The following DPP10 variants were observed in gnomAD, a reference collection of about 807,000 sequenced individuals.
DPP10 encodes the protein dipeptidyl peptidase like 10, also known as inactive dipeptidyl peptidase 10.
Under a neutral mutation model 120.9 loss-of-function variants are expected in DPP10, and 33 were observed. That is an observed-to-expected ratio of 0.27 (90% CI 0.21 to 0.37). The LOEUF is 0.37. Among genes scored for constraint, DPP10 ranks in the 10% least tolerant of loss-of-function variants. The pLI, the probability that DPP10 is intolerant of heterozygous loss-of-function variation, is 1.00. For synonymous variants in DPP10, 337 were observed against 326.1 expected (o/e 1.03, Z -0.36); for missense variants, 816 against 942.8 (o/e 0.87, Z 1.76).
At chr2:114,721,046 T>C (rs1435181289) in intron 1 of DPP10, among the ~76,000 whole-genome samples, 1 of 152,350 alleles carries the variant, frequency 6.6e-6, no homozygotes, top group East Asian at 1.9e-4. Context: ...TGTATTACAG[T>C]TTATACGTTA....
intron 1 of DPP10, among the ~76,000 whole-genome samples, chr2:115,087,134 G>T (rs1034300258): frequency 1.3e-5 from 2 of 152,094 alleles, no homozygotes; most frequent in African/African-American, 4.8e-5. Flanking sequence ...ACTCTCTCAT[G>T]TTACCATTTA....
At chr2:114,529,677 T>G (rs938779475) in intron 1 of DPP10, among the ~76,000 whole-genome samples, 1 of 152,214 alleles carries the variant, frequency 6.6e-6, no homozygotes, top group Admixed American at 6.5e-5. Flanking sequence ...GTTACATTCC[T>G]TTTTAAAAAT....
At chr2:114,562,624 G>A (rs1688858380) in intron 1 of DPP10, among the ~76,000 whole-genome samples, 1 of 152,164 alleles carries the variant, frequency 6.6e-6, no homozygotes, top group Non-Finnish European at 1.5e-5. Context: ...CCATAAAAGT[G>A]ACAAATGGTA....
chr2:114,799,792 C>G (rs550063013), intron 1 of DPP10, among the ~76,000 whole-genome samples: 1 of 151,926 alleles, frequency 6.6e-6, no homozygotes, highest in African/African-American at 2.4e-5. Context: ...AATTGGAAAG[C>G]GAAGTAGGAA....
chr2:114,977,391 C>T (rs973938739), intron 1 of DPP10, among the ~76,000 whole-genome samples: 6 of 152,046 alleles, frequency 3.9e-5, no homozygotes, highest in Non-Finnish European at 7.4e-5. Context: ...TTATCTAGTA[C>T]CTTTGCTTTT....
intron 1 of DPP10, among the ~76,000 whole-genome samples, chr2:114,819,884 C>G: frequency 6.6e-6 from 1 of 152,128 alleles, no homozygotes; most frequent in East Asian, 1.9e-4. Context: ...CAATTATTGT[C>G]ATAGGAGAGG....
At chr2:115,181,071 AAT>A (rs2054046725) in intron 1 of DPP10, among the ~76,000 whole-genome samples, 1 of 116,784 alleles carries the variant, frequency 8.6e-6, no homozygotes, top group Non-Finnish European at 2.1e-5. Flanking sequence ...ACTATCTTCT[AAT>A]ATGAAACACC....
At position 114,897,217 on chromosome 2, in the gene DPP10, C is replaced by T. The variant is rs542785328; in HGVS notation, c.61-412022C>T. 3.0e-3 allele frequency among the ~76,000 whole-genome samples: 456 copies of T among 152,242 alleles called. 3 individuals are homozygous for T. The highest frequency in any genetic ancestry group is 4.4e-3 in the Non-Finnish European group (296 of 68,012). On this transcript the variant is annotated intron_variant, in intron 1 of 25. Coordinates refer to ENST00000410059, the MANE Select transcript of DPP10 (RefSeq NM_020868.6). ...ATTCAATTTTTTGGTTGTGTCTCTG[C>T]CCAGCTTTGGTATCAGGATGATGCT...
chr2:114,502,319 T>C (rs1683266248), intron 1 of DPP10, among the ~76,000 whole-genome samples: 2 of 152,266 alleles, frequency 1.3e-5, no homozygotes, highest in African/African-American at 2.4e-5. Flanking sequence ...TATTCTGTAC[T>C]CAACATAGTT....
intron 1 of DPP10, among the ~76,000 whole-genome samples, chr2:115,152,890 C>G (rs1168446561): frequency 6.6e-6 from 1 of 151,702 alleles, no homozygotes; most frequent in Non-Finnish European, 1.5e-5. Context: ...AGACATGAGA[C>G]TGAGGGTCAG....
At chr2:115,368,425 G>GTAAATAAAACTTTACAAATAAAA (rs2065204811) in intron 3 of DPP10, among the ~76,000 whole-genome samples, 1 of 152,048 alleles carries the variant, frequency 6.6e-6, no homozygotes, top group Non-Finnish European at 1.5e-5. Context: ...CTTTACAAAT[G>GTAAATAAAACTTTACAAATAAAA]TAAGATTCAG....
intron 1 of DPP10, among the ~76,000 whole-genome samples, chr2:114,952,321 T>C (rs1165228834): frequency 2.0e-5 from 3 of 152,160 alleles, no homozygotes; most frequent in African/African-American, 7.2e-5. Context: ...ATCAACCTTC[T>C]TATATTCAAC....
chr2:115,544,424 G>T (rs2079372005), intron 5 of DPP10, among the ~76,000 whole-genome samples: 1 of 152,004 alleles, frequency 6.6e-6, no homozygotes, highest in Admixed American at 6.6e-5. Flanking sequence ...TAATTCCTAA[G>T]TATTCACATC....
intron 1 of DPP10, among the ~76,000 whole-genome samples, chr2:115,139,041 G>A (rs1452032464): frequency 1.3e-5 from 2 of 152,134 alleles, no homozygotes; most frequent in African/African-American, 4.8e-5. Flanking sequence ...AACTAAATAA[G>A]TCTTCATTCC....
At chr2:115,495,270 A>C (rs1351119075) in intron 3 of DPP10, among the ~76,000 whole-genome samples, 1 of 149,656 alleles carries the variant, frequency 6.7e-6, no homozygotes, top group Admixed American at 6.8e-5. Context: ...GAACACAGAA[A>C]GGCAGGAATC....
At chr2:115,475,114 A>G (rs2074990653) in intron 3 of DPP10, among the ~76,000 whole-genome samples, 1 of 152,104 alleles carries the variant, frequency 6.6e-6, no homozygotes, top group Non-Finnish European at 1.5e-5. Context: ...AGCCAAGACA[A>G]TGGGAAGGCC....
Position 114,791,317 on chromosome 2 carries a change from C to T in DPP10, c.60+348479C>T, listed in dbSNP as rs76524617. Among the ~76,000 whole-genome samples the T allele has an allele frequency of 2.3e-3, 355 of 152,200 alleles. 1 individual carries two copies. The highest frequency in any genetic ancestry group is 8.3e-3 in the African/African-American group (343 of 41,528). ...TCAGGTCAACTTTCATCTGCTTTGC[C>T]CACTGAACTAGCGCTGTAGACTTGA... On this transcript the variant is annotated intron_variant, in intron 1 of 25. Transcript: ENST00000410059.
chr2:115,396,618 CAAAG>C (rs2067698073), intron 3 of DPP10, among the ~76,000 whole-genome samples: 1 of 152,066 alleles, frequency 6.6e-6, no homozygotes, highest in Admixed American at 6.6e-5. Context: ...GTTAAATACT[CAAAG>C]AAAGAAAAAC....
chr2:114,597,077 G>A (rs1398566321), intron 1 of DPP10, among the ~76,000 whole-genome samples: 1 of 151,980 alleles, frequency 6.6e-6, no homozygotes, highest in Non-Finnish European at 1.5e-5. Context: ...ACTAAAGGTG[G>A]CTCAGATCAG....
Sources: allele counts gnomAD v4.1 joint callset (sites outside exome capture counted in the v4.1 genomes callset), GRCh38; gene constraint gnomAD v4.1.1; transcripts MANE v1.5; gene names NCBI Gene and HGNC (gene_info 2026-07-23, HGNC 2026-07-21).